ANO3: variants seen among roughly 807,000 people sequenced by gnomAD.
ANO3 encodes the protein anoctamin 3, also known as anoctamin-3.
Under a neutral mutation model 144.8 loss-of-function variants are expected in ANO3, and 99 were observed. The observed-to-expected ratio is 0.68, with a 90% confidence interval of 0.58 to 0.81. The LOEUF is 0.81. Among genes scored for constraint, ANO3 ranks in the 30% least tolerant of loss-of-function variants. The pLI is 0.00. For missense variants in ANO3, 905 were observed against 1,202.2 expected (o/e 0.75, Z 3.66); for synonymous variants, 414 against 392.6 (o/e 1.05, Z -0.64).
intron 1 of ANO3, among the ~76,000 whole-genome samples, chr11:26,265,904 T>C (rs1409477800): frequency 1.3e-5 from 2 of 152,182 alleles, no homozygotes; most frequent in African/African-American, 2.4e-5. Context: ...CAATGATGAA[T>C]AGAATAAATA....
At chr11:26,655,251 T>C (rs1218259058) in intron 24 of ANO3, among the ~76,000 whole-genome samples, 2 of 152,136 alleles carry the variant, frequency 1.3e-5, no homozygotes, top group Non-Finnish European at 2.9e-5. Flanking sequence ...CCCCATGCAA[T>C]TGGTAAAATT....
intron 17 of ANO3, among the ~76,000 whole-genome samples, chr11:26,610,154 G>T (rs1328221364): frequency 6.6e-6 from 1 of 151,746 alleles, no homozygotes; most frequent in African/African-American, 2.4e-5. Context: ...CAGGTGATTC[G>T]CCTGCCTCAG....
At chr11:26,323,543 G>A (rs1271859694) in intron 1 of ANO3, among the ~76,000 whole-genome samples, 1 of 152,052 alleles carries the variant, frequency 6.6e-6, no homozygotes, top group Admixed American at 6.6e-5. Flanking sequence ...AGAGACGTTG[G>A]TCCTTGTTTA....
At chr11:26,528,532 A>T (rs10767546) in intron 7 of ANO3, among the ~76,000 whole-genome samples, 114,146 of 152,106 alleles carry the variant, frequency 0.75, 43,220 homozygotes, top group East Asian at 0.85. Context: ...TAGTCAGAGC[A>T]ACTAGAGCCT....
chr11:26,389,916 C>A (rs968123089), intron 1 of ANO3, among the ~76,000 whole-genome samples: 1 of 152,018 alleles, frequency 6.6e-6, no homozygotes, highest in Non-Finnish European at 1.5e-5. Flanking sequence ...ACCTCTACTA[C>A]GTGCCTCCAG....
intron 14 of ANO3, among the ~76,000 whole-genome samples, chr11:26,587,937 CAAAAAAAA>C (rs60752903): frequency 1.7e-5 from 2 of 116,374 alleles, no homozygotes; most frequent in Admixed American, 8.6e-5. Context: ...AACTCTGTCT[CAAAAAAAA>C]AAAAAAAAAA....
intron 17 of ANO3, among the ~76,000 whole-genome samples, chr11:26,612,124 G>A (rs568851834): frequency 6.6e-6 from 1 of 152,062 alleles, no homozygotes; most frequent in East Asian, 1.9e-4. Flanking sequence ...TGATAGATAA[G>A]GACTTACTCC....
intron 14 of ANO3, among the ~76,000 whole-genome samples, chr11:26,597,499 T>G (rs1851669941): frequency 6.6e-6 from 1 of 152,058 alleles, no homozygotes; most frequent in Admixed American, 6.6e-5. Context: ...CTGCCGGATC[T>G]GGAGGGGTTG....
At chr11:26,368,834 A>G (rs1029837434) in intron 1 of ANO3, among the ~76,000 whole-genome samples, 5 of 152,148 alleles carry the variant, frequency 3.3e-5, no homozygotes, top group Non-Finnish European at 4.4e-5. Context: ...CAAGTACTCT[A>G]TAATAAAAAT....
At chr11:26,385,357 T>C (rs1398727173) in intron 1 of ANO3, among the ~76,000 whole-genome samples, 1 of 152,190 alleles carries the variant, frequency 6.6e-6, no homozygotes, top group Non-Finnish European at 1.5e-5. Flanking sequence ...ACAAATGTAG[T>C]CAATTAAAAT....
chr11:26,625,905 G>A (rs118150706), intron 18 of ANO3, among the ~76,000 whole-genome samples: 7,582 of 152,238 alleles, frequency 0.05, 249 homozygotes, highest in Non-Finnish European at 0.079. Flanking sequence ...TTTGCTACTT[G>A]TAAGTAAGTT....
intron 11 of ANO3, among the ~76,000 whole-genome samples, chr11:26,544,930 T>C (rs138425435): frequency 6.6e-6 from 1 of 152,056 alleles, no homozygotes; most frequent in African/African-American, 2.4e-5. Flanking sequence ...TGTGATGAAA[T>C]ACTCACCCAA....
At chr11:26,657,812 C>G (rs557612260) in intron 26 of ANO3, among the ~76,000 whole-genome samples, 1 of 152,178 alleles carries the variant, frequency 6.6e-6, no homozygotes, top group East Asian at 1.9e-4. Flanking sequence ...TGAGATTGAT[C>G]CACGTTTAGA....
chr11:26,259,340 A>C (rs1853129982), intron 1 of ANO3, among the ~76,000 whole-genome samples: 1 of 152,094 alleles, frequency 6.6e-6, no homozygotes, highest in Admixed American at 6.6e-5. Context: ...ACAAACAGAA[A>C]GGGAGGTGAA....
At chr11:26,225,234 T>C (rs949700036) in intron 1 of ANO3, among the ~76,000 whole-genome samples, 1 of 152,126 alleles carries the variant, frequency 6.6e-6, no homozygotes, top group African/African-American at 2.4e-5. Context: ...AGAACAGGAA[T>C]GCTTGAGGAT....
At position 26,634,294 on chromosome 11, in the gene ANO3, A is replaced by G. The variant is rs1431237736; in HGVS notation, c.1964A>G (p.Tyr655Cys). ...QFVNLNSSIF[Y>C]IAFFLGRFVG... ...GTCAATTTAAACAGTTCCATCTTCT[A>G]TATCGCTTTCTTTTTGGGAAGGTAA... The change falls in exon 19 of 27, where the codon TAT becomes TGT. Residue 655 changes from tyrosine to cysteine, a missense_variant. By Grantham distance (194) the Tyr-to-Cys change is radical. Transcript: ENST00000256737. The G allele has an allele frequency of 6.2e-7, 1 of 1,612,808 alleles. No individual in the cohort carries two copies. Among genetic ancestry groups the G allele is most frequent in the Non-Finnish European group, 8.5e-7 (1 of 1,178,940 alleles).
intron 1 of ANO3, among the ~76,000 whole-genome samples, chr11:26,228,549 G>A (rs1338642234): frequency 6.6e-6 from 1 of 152,204 alleles, no homozygotes; most frequent in Admixed American, 6.5e-5. Context: ...ATTAAGGTAT[G>A]TCCTTGGTAT....
intron 17 of ANO3, among the ~76,000 whole-genome samples, chr11:26,621,019 T>C (rs1446461394): frequency 6.6e-6 from 1 of 152,234 alleles, no homozygotes; most frequent in Non-Finnish European, 1.5e-5. Context: ...TTTTCAATTC[T>C]GCAAAAGCTT....
At chr11:26,276,558 TA>T (rs1853564403) in intron 1 of ANO3, among the ~76,000 whole-genome samples, 1 of 152,112 alleles carries the variant, frequency 6.6e-6, no homozygotes, top group South Asian at 2.1e-4. Context: ...TAAACTTCCA[TA>T]AAATGGATAT....
Sources: allele counts gnomAD v4.1 joint callset (sites outside exome capture counted in the v4.1 genomes callset), GRCh38; gene constraint gnomAD v4.1.1; transcripts MANE v1.5; gene names NCBI Gene and HGNC (gene_info 2026-07-23, HGNC 2026-07-21).